The following PADI4 variants were observed in gnomAD, a reference collection of about 807,000 sequenced individuals.
PADI4 encodes the protein protein-arginine deiminase type-4.
Under a neutral mutation model 75.0 loss-of-function variants are expected in PADI4, and 62 were observed. The ratio of observed to expected loss-of-function variants is 0.83; its 90% CI spans 0.67 to 1.02. PADI4 has a LOEUF of 1.02. PADI4 is among the 50% of genes least tolerant of loss of function. PADI4 has a pLI of 0.00. For missense variants in PADI4, 845 were observed against 850.5 expected (o/e 0.99, Z 0.08); for synonymous variants, 361 against 348.1 (o/e 1.04, Z -0.41).
intron 7 of PADI4, 30 bp from the exon 8 acceptor site, chr1:17,342,269 C>T (rs947079289): frequency 2.2e-5 from 32 of 1,425,386 alleles, no homozygotes; most frequent in Non-Finnish European, 3.1e-5. Flanking sequence ...CGGTGACAGC[C>T]CCTCCTTCCC....
chr1:17,315,852 T>C (rs1046274487), intron 1 of PADI4, among the ~76,000 whole-genome samples: 1 of 151,986 alleles, frequency 6.6e-6, no homozygotes, highest in African/African-American at 2.4e-5. Flanking sequence ...TGGGTTCCCA[T>C]TCAGGGGCTG....
chr1:17,354,615 G>C lies in PADI4; in HGVS notation c.1238G>C (p.Ser413Thr). 4 of 1,613,980 alleles carry C rather than the reference G, an allele frequency of 2.5e-6. No individual in the cohort carries two copies. Among genetic ancestry groups the C allele is most frequent in the Non-Finnish European group, 3.4e-6 (4 of 1,179,878 alleles). The change falls in exon 11 of 16, where the codon AGC becomes ACC. Residue 413 changes from serine (S) to threonine (T), a missense_variant. Transcript: ENST00000375448. ...GLDSFGNLEVSPPVTVRGKEY... is the reference protein window; with the variant it reads ...GLDSFGNLEVTPPVTVRGKEY... ...GACTCCTTTGGGAACCTGGAAGTGA[G>C]CCCCCCAGTCACAGTCAGGGGCAAG...
At chr1:17,357,596 G>A (rs936336240) in intron 13 of PADI4, among the ~76,000 whole-genome samples, 4 of 152,164 alleles carry the variant, frequency 2.6e-5, no homozygotes, top group African/African-American at 9.7e-5. Context: ...TATTTTTAAT[G>A]TTGTCTGTTT....
Position 17,338,141 on chromosome 1 carries a change from T to C in PADI4, c.512T>C (p.Val171Ala). ...GCCATGGACTGCGAGGATGATGAAG[T>C]GCTTGACAGCGAAGGTAAAGAGCAT... ...SSAMDCEDDE[V>A]LDSEDLQDMS... The change falls in exon 5 of 16, where the codon GTG becomes GCG. Residue 171 changes from valine (V) to alanine (A), a missense_variant. Physicochemically the swap from Val to Ala is moderately conservative, Grantham distance 64. Transcript: ENST00000375448. The C allele has an allele frequency of 9.3e-6, 15 of 1,608,110 alleles. No homozygotes were observed. The highest frequency in any genetic ancestry group is 1.2e-5 in the Non-Finnish European group (14 of 1,174,768).
Position 17,355,991 on chromosome 1 carries a change from G to C in PADI4, c.1319G>C (p.Ser440Thr). 6.2e-7 allele frequency: 1 copy of C among 1,614,168 alleles called. No individual in the cohort carries two copies. The highest frequency in any genetic ancestry group is 1.7e-4 in the Middle Eastern group (1 of 6,056). The stretch of plus-strand genomic sequence containing the variant: ...TAACCCTGCCATGACAGCAATGACA[G>C]CCGGCAGATGCACCAGGCCCTGCAG... Reference protein sequence around the residue: ...FGDSCYPSNDSRQMHQALQDF... With the variant: ...FGDSCYPSNDTRQMHQALQDF... The change falls in exon 12 of 16, where the codon AGC (serine) becomes ACC (threonine). Residue 440 changes from serine to threonine, a missense_variant. Transcript: ENST00000375448.
chr1:17,337,344 C>T (rs2074332007), intron 4 of PADI4, among the ~76,000 whole-genome samples: 1 of 152,058 alleles, frequency 6.6e-6, no homozygotes, highest in Non-Finnish European at 1.5e-5. Context: ...CAGCGTTTCG[C>T]CATGTTGGCC....
chr1:17,348,565 G>A (rs1029071798), intron 10 of PADI4, among the ~76,000 whole-genome samples: 2 of 152,176 alleles, frequency 1.3e-5, no homozygotes, highest in East Asian at 3.8e-4. Context: ...TGCTTGACTA[G>A]CCTGGCAGGT....
Position 17,358,825 on chromosome 1 carries a change from T to C in PADI4, c.1559-13T>C, listed in dbSNP as rs771086783. The C allele has an allele frequency of 9.1e-5, 144 of 1,577,230 alleles. No homozygotes were observed. The highest frequency in any genetic ancestry group is 1.1e-4 in the Non-Finnish European group (131 of 1,155,124). On this transcript the variant is annotated splice_polypyrimidine_tract_variant and intron_variant, in intron 13 of 15. Coordinates refer to ENST00000375448, the MANE Select transcript of PADI4 (RefSeq NM_012387.3). ...AAGTTCATTTGCCTTTTTTTTCTTT[T>C]TCTCCATGACAGAAAAAAAACAGCA... is the stretch of plus-strand genomic sequence containing the variant.
chr1:17,335,578 T>C (rs2074295121), intron 3 of PADI4, among the ~76,000 whole-genome samples: 1 of 152,242 alleles, frequency 6.6e-6, no homozygotes, highest in Non-Finnish European at 1.5e-5. Context: ...TGGAATGACC[T>C]TGCAGTCATA....
chr1:17,330,536 G>A (rs887755875), intron 1 of PADI4, among the ~76,000 whole-genome samples: 4 of 104,418 alleles, frequency 3.8e-5, no homozygotes, highest in Non-Finnish European at 8.9e-5. Flanking sequence ...TGTGGCCAAA[G>A]GCCCAAGAGC....
chr1:17,331,572 G>A (rs188859853), intron 2 of PADI4, among the ~76,000 whole-genome samples: 1 of 152,324 alleles, frequency 6.6e-6, no homozygotes, highest in Non-Finnish European at 1.5e-5. Flanking sequence ...AGCCCCAAGG[G>A]ATGCTGGTCC....
intron 6 of PADI4, among the ~76,000 whole-genome samples, chr1:17,341,212 C>T (rs1467845892): frequency 2.0e-5 from 3 of 151,836 alleles, no homozygotes; most frequent in East Asian, 1.9e-4. Context: ...AATTCTCCTG[C>T]CTCAGCCTCC....
Position 17,342,126 on chromosome 1 carries a change from G to A in PADI4, c.831+5G>A. 1 of 1,613,102 alleles carries A rather than the reference G, an allele frequency of 6.2e-7. No individual in the cohort carries two copies. Among genetic ancestry groups the A allele is most frequent in the Non-Finnish European group, 8.5e-7 (1 of 1,179,474 alleles). ...CTGCTGGACACGTCCAACCTGGTAGGCCGAGAAGGCAGCCCTGCATCGGGG... is the reference window on the plus strand; with the variant it reads ...CTGCTGGACACGTCCAACCTGGTAGACCGAGAAGGCAGCCCTGCATCGGGG... On this transcript the variant is annotated splice_donor_5th_base_variant and intron_variant, in intron 7 of 15. Transcript: ENST00000375448.
intron 2 of PADI4, among the ~76,000 whole-genome samples, chr1:17,332,146 C>T (rs150009165): frequency 2.0e-5 from 3 of 152,152 alleles, no homozygotes; most frequent in Admixed American, 2.0e-4. Flanking sequence ...ACTGCCTCTG[C>T]CCCTTCTCTG....
intron 10 of PADI4, 82 bp downstream of exon 10, chr1:17,348,130 G>A (rs764990116): frequency 2.2e-5 from 19 of 854,916 alleles, no homozygotes; most frequent in South Asian, 2.9e-5. Flanking sequence ...TGCCTTCCCC[G>A]CCCGCGCCTG....
chr1:17,335,598 G>A (rs1388195586), intron 3 of PADI4, among the ~76,000 whole-genome samples: 2 of 152,242 alleles, frequency 1.3e-5, no homozygotes, highest in Non-Finnish European at 2.9e-5. Context: ...ATATTCGGAT[G>A]AGGGAGGAAG....
intron 6 of PADI4, among the ~76,000 whole-genome samples, chr1:17,340,937 G>T (rs113266691): frequency 1.3e-5 from 2 of 148,756 alleles, no homozygotes; most frequent in African/African-American, 2.5e-5. Context: ...AGTAGCTGAG[G>T]TTACAAGCAT....
chr1:17,326,666 C>T (rs1267408367), intron 1 of PADI4, among the ~76,000 whole-genome samples: 2 of 152,130 alleles, frequency 1.3e-5, no homozygotes, highest in East Asian at 1.9e-4. Flanking sequence ...TGACCCATGA[C>T]CCGTGTGTGC....
chr1:17,331,786 C>T (rs1247656678), intron 2 of PADI4, among the ~76,000 whole-genome samples: 2 of 152,088 alleles, frequency 1.3e-5, no homozygotes, highest in African/African-American at 4.8e-5. Context: ...GGCGTAGTGG[C>T]GAGCGCCTGT....
Sources: allele counts gnomAD v4.1 joint callset (sites outside exome capture counted in the v4.1 genomes callset), GRCh38; gene constraint gnomAD v4.1.1; transcripts MANE v1.5; gene names NCBI Gene and HGNC (gene_info 2026-07-23, HGNC 2026-07-21).